CHD7: variants seen among roughly 807,000 people sequenced by gnomAD.
The protein encoded by CHD7 is chromodomain helicase DNA binding protein 7.
In CHD7, 24 loss-of-function variants were observed where a neutral mutation model predicts 307.3. That is an observed-to-expected ratio of 0.08 (90% CI 0.06 to 0.11). The LOEUF (loss-of-function observed/expected upper bound fraction) is 0.11. CHD7 is among the 10% of genes least tolerant of loss of function. The pLI is 1.00. For synonymous variants in CHD7, 1,363 were observed against 1,349.9 expected, an observed-to-expected ratio of 1.01 and a Z score of -0.21; for missense variants, 3,106 against 3,727.1, an observed-to-expected ratio of 0.83 and a Z score of 4.34.
chr8:60,745,047 A>G (rs1194037813), intron 2 of CHD7, among the ~76,000 whole-genome samples: 1 of 150,394 alleles, frequency 6.6e-6, no homozygotes, highest in Non-Finnish European at 1.5e-5. Flanking sequence ...GACCTTGGTG[A>G]TCCTCATATA....
At position 60,852,596 on chromosome 8, in the gene CHD7, G is replaced by A. The variant is rs1333355867; in HGVS notation, c.5993G>A (p.Arg1998Lys). The change falls in exon 30 of 38, where the codon AGA (arginine) becomes AAA (lysine). Residue 1998 changes from arginine to lysine, a missense_variant. By Grantham distance (26) the Arg-to-Lys change is conservative. Transcript: ENST00000423902. ...VKQQFDWNQF[R>K]AFARLDKKSD... ...CAGCAATTTGACTGGAACCAATTTA[G>A]AGCCTTTGCCAGGCTTGACAAAAAA... 1.2e-6 allele frequency: 2 copies of A among 1,613,946 alleles called. No homozygotes were observed. Among genetic ancestry groups the A allele is most frequent in the South Asian group, 2.2e-5 (2 of 91,074 alleles).
At chr8:60,755,381 C>T (rs779078355) in intron 2 of CHD7, among the ~76,000 whole-genome samples, 16 of 151,908 alleles carry the variant, frequency 1.1e-4, no homozygotes, top group African/African-American at 2.9e-4. Flanking sequence ...CTATTTAGAG[C>T]GAGAAGAGAC....
At chr8:60,740,689 G>C (rs1440899356) in intron 1 of CHD7, among the ~76,000 whole-genome samples, 5 of 152,182 alleles carry the variant, frequency 3.3e-5, no homozygotes, top group Non-Finnish European at 7.3e-5. Context: ...CAGTTACATA[G>C]TTGTATGTGG....
rs1334891312 is a variant in CHD7 at position 60,683,289 on chromosome 8, T to C, written c.-175+4207T>C. ...ATATAAAAGAAATTGAGATCAATAA[T>C]CGCTTGGTTTTTCTACAAAAAATAC... On this transcript the variant is annotated intron_variant, in intron 1 of 37. Coordinates refer to ENST00000423902, the MANE Select transcript of CHD7 (RefSeq NM_017780.4). Among the ~76,000 whole-genome samples the C allele has an allele frequency of 2.0e-5, 3 of 152,208 alleles. 1 individual carries two copies. Among genetic ancestry groups the C allele is most frequent in the Admixed American group, 2.0e-4 (3 of 15,284 alleles).
chr8:60,859,907 C>T (rs961798310), intron 34 of CHD7, among the ~76,000 whole-genome samples: 2 of 152,150 alleles, frequency 1.3e-5, no homozygotes, highest in Non-Finnish European at 2.9e-5. Flanking sequence ...CTGGGAAGGG[C>T]TGCATTTTAG....
intron 1 of CHD7, among the ~76,000 whole-genome samples, chr8:60,740,682 T>A (rs1304949243): frequency 1.3e-5 from 2 of 152,268 alleles, no homozygotes; most frequent in Non-Finnish European, 2.9e-5. Flanking sequence ...TCTGTTGCAG[T>A]TACATAGTTG....
Position 60,865,611 on chromosome 8 carries a change from A to C in CHD7, c.8672A>C (p.Asn2891Thr), listed in dbSNP as rs202039728. 6.2e-6 allele frequency: 10 copies of C among 1,613,412 alleles called. No individual in the cohort carries two copies. The highest frequency in any genetic ancestry group is 4.0e-5 in the African/African-American group (3 of 74,806). ...AGLPSNPLAF[N>T]PFLLSTMAPG... ...TTGCCCTCAAACCCGCTAGCCTTCA[A>C]CCCTTTCCTCCTGTCCACAATGGCC... The change falls in exon 38 of 38, where the codon AAC becomes ACC. Residue 2891 changes from asparagine (N) to threonine (T), a missense_variant. Physicochemically the swap from Asn to Thr is moderately conservative, Grantham distance 65. This residue lies in a region of CHD7 where 351 missense variants were observed against 366.2 expected (regional missense o/e 0.96). Coordinates refer to ENST00000423902, the MANE Select transcript of CHD7 (RefSeq NM_017780.4). The surrounding 1 kb of genome is among the most constrained non-coding windows in gnomAD (Gnocchi z 4.3).
At chr8:60,861,281 T>G (rs1805957725) in intron 35 of CHD7, 156 bp downstream of exon 35, 1 of 603,084 alleles carries the variant, frequency 1.7e-6, no homozygotes, top group Non-Finnish European at 2.9e-6. Flanking sequence ...TTGAATCTTC[T>G]TCATTACAGA....
intron 1 of CHD7, among the ~76,000 whole-genome samples, chr8:60,734,714 G>A (rs1444469620): frequency 6.6e-6 from 1 of 152,158 alleles, no homozygotes; most frequent in Non-Finnish European, 1.5e-5. Context: ...GTGTTTGTGA[G>A]TGCTTCAGGG....
intron 1 of CHD7, among the ~76,000 whole-genome samples, chr8:60,735,768 C>T (rs962925027): frequency 6.6e-6 from 1 of 152,114 alleles, no homozygotes; most frequent in Admixed American, 6.6e-5. Flanking sequence ...TTTGTTTAAA[C>T]ATGTTACCTC....
At chr8:60,688,494 A>G (rs1378514076) in intron 1 of CHD7, among the ~76,000 whole-genome samples, 2 of 152,154 alleles carry the variant, frequency 1.3e-5, no homozygotes. Context: ...TGGCTACACA[A>G]TTTTCATTTT....
In CHD7 at chr8:60,853,518, G is replaced by T. The variant is rs1227919115; in HGVS notation, c.6775+18G>T. 1 of 1,496,572 alleles carries T rather than the reference G, an allele frequency of 6.7e-7. No individual in the cohort carries two copies. The allele number at this position is 1,496,572 out of a possible 1,614,324, so 92.7% of individuals were successfully genotyped here. A position where few individuals can be genotyped will look rare whatever the true frequency, so the allele number is the denominator to read the frequency against. ...GCCCGAAGGTAAGGCCTTACCACTG[G>T]CCCCTCTCCTGACCCTGCAGCAGCT... On this transcript the variant is annotated intron_variant, in intron 31 of 37. Transcript: ENST00000423902.
chr8:60,717,959 ATT>A (rs1554577186), intron 1 of CHD7, among the ~76,000 whole-genome samples: 47 of 105,470 alleles, frequency 4.5e-4, no homozygotes, highest in Non-Finnish European at 9.1e-4. Context: ...CCCTTCTACC[ATT>A]TTTTTTTAAA....
chr8:60,732,065 T>C (rs972143947), intron 1 of CHD7, among the ~76,000 whole-genome samples: 2 of 152,256 alleles, frequency 1.3e-5, no homozygotes, highest in Non-Finnish European at 2.9e-5. Flanking sequence ...AGACAAATTC[T>C]TTTCAGTTGT....
At chr8:60,802,445 C>T (rs1375574929) in intron 6 of CHD7, among the ~76,000 whole-genome samples, 1 of 152,176 alleles carries the variant, frequency 6.6e-6, no homozygotes, top group Non-Finnish European at 1.5e-5. Flanking sequence ...CAGCTTCAGT[C>T]ATTATCAATT....
chr8:60,787,081 A>G (rs568750191), intron 3 of CHD7, among the ~76,000 whole-genome samples: 1 of 152,248 alleles, frequency 6.6e-6, no homozygotes, highest in South Asian at 2.1e-4. Context: ...AAACTTCCAT[A>G]GAATACTAAT....
intron 27 of CHD7, 75 bp downstream of exon 27, chr8:60,851,179 A>G: frequency 2.7e-6 from 4 of 1,480,622 alleles, no homozygotes; most frequent in Admixed American, 2.0e-5. Flanking sequence ...GTTAAACTTT[A>G]TAGATAATGA....
At chr8:60,837,105 G>T (rs1443780172) in intron 17 of CHD7, 93 bp downstream of exon 17, 3 of 965,060 alleles carry the variant, frequency 3.1e-6, no homozygotes, top group Non-Finnish European at 4.6e-6. Flanking sequence ...AATTAATGTT[G>T]CGTCGTCACT....
Position 60,852,015 on chromosome 8 carries a change from C to G in CHD7, c.5666-4C>G. 3 of 1,600,322 alleles carry G rather than the reference C, an allele frequency of 1.9e-6. No homozygotes were observed. Among genetic ancestry groups the G allele is most frequent in the Non-Finnish European group, 2.6e-6 (3 of 1,171,040 alleles). On this transcript the variant is annotated splice_region_variant and splice_polypyrimidine_tract_variant and intron_variant, in intron 28 of 37. Transcript: ENST00000423902. ...ATTTCAAAAATGTTTTTCCACTTCCCCAGGCAAGCACAGTGAGAGTAATGC... is the reference window on the plus strand; with the variant it reads ...ATTTCAAAAATGTTTTTCCACTTCCGCAGGCAAGCACAGTGAGAGTAATGC...
Sources: gnomAD v4.1 joint callset for allele counts (sites outside exome capture counted in the v4.1 genomes callset) on GRCh38, gnomAD v4.1.1 for gene constraint, gnomAD v4.1.1 regional missense constraint, Gnocchi (gnomAD v3.1) non-coding constraint, MANE v1.5 for transcripts, NCBI Gene and HGNC (gene_info 2026-07-23, HGNC 2026-07-21) for gene names.